CARD6: variants seen among roughly 807,000 people sequenced by gnomAD.
CARD6 encodes caspase recruitment domain family member 6.
A neutral mutation model predicts 23.6 loss-of-function variants in CARD6; 27 were observed. The ratio of observed to expected loss-of-function variants is 1.14; its 90% CI spans 0.84 to 1.58. The LOEUF is 1.58. CARD6 is among the 40% of genes most tolerant of loss of function. CARD6 has a pLI of 0.00. For synonymous variants in CARD6, 397 were observed against 431.8 expected, an observed-to-expected ratio of 0.92 and a Z score of 1.00; for missense variants, 1,214 against 1,209.9, an observed-to-expected ratio of 1.00 and a Z score of -0.05.
Position 40,853,840 on chromosome 5 carries a change from GGGAACTCTTGAAA to G in CARD6, c.2511_2523del (p.Thr838LeufsTer4). 3.7e-6 allele frequency: 6 copies of G among 1,614,168 alleles called. No individual in the cohort carries two copies. Among genetic ancestry groups the G allele is most frequent in the Non-Finnish European group, 5.1e-6 (6 of 1,180,034 alleles). ...CCTGCCCTGAGAGACCACAAATGAT[GGGAACTCTTGAAA>G]GGTCTAGGGCAGTAGCCTCCAAGAT... On this transcript the variant is annotated frameshift_variant, in exon 3 of 3. Coordinates refer to ENST00000254691, the MANE Select transcript of CARD6 (RefSeq NM_032587.4). LOFTEE classifies it low-confidence loss of function (END_TRUNC).
At chr5:40,843,096 T>C (rs750992961) in intron 1 of CARD6, 56 bp from the exon 2 acceptor site, 11 of 1,138,900 alleles carry the variant, frequency 9.7e-6, no homozygotes, top group Admixed American at 2.3e-5. Flanking sequence ...TCAGGAACTC[T>C]AGCTGTTATA....
rs895366183 is a variant in CARD6 at position 40,855,335 on chromosome 5, A to T, written c.*889A>T. The T allele has an allele frequency of 6.6e-6, 1 of 152,366 alleles. No homozygotes were observed. The highest frequency in any genetic ancestry group is 6.5e-5 in the Admixed American group (1 of 15,280). 9.4% of individuals were successfully genotyped at this position (152,366 alleles called of 1,614,324 possible). A position where few individuals can be genotyped will look rare whatever the true frequency, so the allele number is the denominator to read the frequency against. ...GAAATAATGAATTAACAACCAATAAAATTAATCATTTGGCATTAACTTTGT... is the reference window on the plus strand; with the variant it reads ...GAAATAATGAATTAACAACCAATAATATTAATCATTTGGCATTAACTTTGT... On this transcript the variant is annotated 3_prime_UTR_variant, in exon 3 of 3. Transcript: ENST00000254691.
chr5:40,848,670 A>G (rs746749463), intron 2 of CARD6, among the ~76,000 whole-genome samples: 9 of 152,130 alleles, frequency 5.9e-5, no homozygotes, highest in Non-Finnish European at 1.2e-4. Flanking sequence ...CTAGATTGTT[A>G]TATTTCTCCC....
Position 40,854,355 on chromosome 5 carries a change from G to A in CARD6, c.3023G>A (p.Arg1008Lys), listed in dbSNP as rs765505830. The A allele has an allele frequency of 6.2e-7, 1 of 1,614,064 alleles. No homozygotes were observed. Among genetic ancestry groups the A allele is most frequent in the Non-Finnish European group, 8.5e-7 (1 of 1,179,998 alleles). Residue 1008 changes from arginine to lysine, a missense_variant, in exon 3 of 3, where the codon AGA becomes AAA. Arg to Lys is a conservative substitution (Grantham distance 26). Transcript: ENST00000254691. Reference protein sequence around the residue: ...WPPQSKPSQPRPPQPKSSSTN... With the variant: ...WPPQSKPSQPKPPQPKSSSTN... Reference sequence around the variant, plus strand: ...CCCCAGTCTAAGCCTTCTCAGCCCAGACCCCCTCAACCTAAGTCATCCTCA... The same window carrying A: ...CCCCAGTCTAAGCCTTCTCAGCCCAAACCCCCTCAACCTAAGTCATCCTCA...
chr5:40,846,369 AG>A (rs144125890), intron 2 of CARD6, among the ~76,000 whole-genome samples: 1 of 151,774 alleles, frequency 6.6e-6, no homozygotes, highest in Non-Finnish European at 1.5e-5. Context: ...AGCAAGGTGG[AG>A]GGGGGGAGAC....
At position 40,852,780 on chromosome 5, in the gene CARD6, A is replaced by C; in HGVS notation, c.1448A>C (p.His483Pro). The change falls in exon 3 of 3, where the codon CAC (histidine) becomes CCC (proline). Residue 483 changes from histidine (H) to proline (P), a missense_variant. Transcript: ENST00000254691. ...CTCAGCCCTGCCCAGTTGAAATTAC[A>C]CAAAATCTTTCTTCATCAAGATTTG... The part of the protein sequence containing the change: ...TLLSPAQLKL[H>P]KIFLHQDLPL... 6.2e-7 allele frequency: 1 copy of C among 1,614,182 alleles called. No individual in the cohort carries two copies. The highest frequency in any genetic ancestry group is 2.2e-5 in the East Asian group (1 of 44,888).
At chr5:40,850,269 C>T (rs1042316387) in intron 2 of CARD6, among the ~76,000 whole-genome samples, 3 of 151,262 alleles carry the variant, frequency 2.0e-5, no homozygotes, top group Non-Finnish European at 4.4e-5. Flanking sequence ...AAAAAATTAG[C>T]CAGGTGTGGT....
At position 40,842,712 on chromosome 5, in the gene CARD6, A is replaced by G. The variant is rs538903188; in HGVS notation, c.284-440A>G. 2.0e-5 allele frequency among the ~76,000 whole-genome samples: 3 copies of G among 152,304 alleles called. No homozygotes were observed. The South Asian group carries it at 6.2e-4, about 32-fold the overall frequency. Reference sequence around the variant, plus strand: ...GTTGACATGTTGACATGCAAGTTATATAGGAGGTGTTAGGTATTCCTGTCC... The same window carrying G: ...GTTGACATGTTGACATGCAAGTTATGTAGGAGGTGTTAGGTATTCCTGTCC... On this transcript the variant is annotated intron_variant, in intron 1 of 2. Coordinates refer to ENST00000254691, the MANE Select transcript of CARD6 (RefSeq NM_032587.4).
intron 1 of CARD6, 139 bp downstream of exon 1, chr5:40,841,804 A>G: frequency 1.4e-6 from 1 of 728,136 alleles, no homozygotes; most frequent in Non-Finnish European, 2.2e-6. Context: ...AATATGAAAT[A>G]GGGAAAAACT....
chr5:40,851,527 A>G (rs1258343911), intron 2 of CARD6, among the ~76,000 whole-genome samples: 2 of 151,716 alleles, frequency 1.3e-5, no homozygotes, highest in Non-Finnish European at 2.9e-5. Flanking sequence ...TTTTGCAGTG[A>G]AAATGTAGAT....
At position 40,855,270 on chromosome 5, in the gene CARD6, G is replaced by T. The variant is rs1162639471; in HGVS notation, c.*824G>T. On this transcript the variant is annotated 3_prime_UTR_variant, in exon 3 of 3. Transcript: ENST00000254691. ...TAGCTTCTGCTAATAGCCCCAATTT[G>T]CTTGAATGGGAAAACTCTCTCATTT... is the stretch of plus-strand genomic sequence containing the variant. 2.6e-5 allele frequency: 4 copies of T among 152,326 alleles called. No individual in the cohort carries two copies. The highest frequency in any genetic ancestry group is 7.2e-5 in the African/African-American group (3 of 41,458). The allele number at this position is 152,326 out of a possible 1,614,324, so 9.4% of individuals were successfully genotyped here. A position where few individuals can be genotyped will look rare whatever the true frequency, so the allele number is the denominator to read the frequency against.
chr5:40,854,307 C>T lies in CARD6; in HGVS notation c.2975C>T (p.Pro992Leu), dbSNP rs35479873. The change falls in exon 3 of 3, where the codon CCT becomes CTT. Residue 992 changes from proline (P) to leucine (L), a missense_variant. By Grantham distance (98) the Pro-to-Leu change is moderately conservative. Coordinates refer to ENST00000254691, the MANE Select transcript of CARD6 (RefSeq NM_032587.4). ...CCTTCTCCATGCAAATCTACTCAGCCTAAGCCAAGCCAGCCCTGGCCTCCC... is the reference window on the plus strand; with the variant it reads ...CCTTCTCCATGCAAATCTACTCAGCTTAAGCCAAGCCAGCCCTGGCCTCCC... ...TKPSPCKSTQ[P>L]KPSQPWPPQS... The T allele has an allele frequency of 1.2e-6, 2 of 1,614,150 alleles. No homozygotes were observed. Among genetic ancestry groups the T allele is most frequent in the Non-Finnish European group, 1.7e-6 (2 of 1,180,014 alleles).
At position 40,852,742 on chromosome 5, in the gene CARD6, C is replaced by T. The variant is rs1746092497; in HGVS notation, c.1410C>T (p.Ile470=). The change falls in exon 3 of 3, where the codon ATC becomes ATT. Residue 470 remains isoleucine (I), a synonymous_variant. Transcript: ENST00000254691. ...LGYCSFSKSR[I]LNTLLSPAQL... is the part of the protein sequence containing the mutation. ...ACTGTAGCTTCTCTAAGTCCAGAAT[C>T]CTCAACACACTTCTCAGCCCTGCCC... 4.3e-6 allele frequency: 7 copies of T among 1,613,868 alleles called. No individual in the cohort carries two copies. The highest frequency in any genetic ancestry group is 5.9e-6 in the Non-Finnish European group (7 of 1,179,898).
chr5:40,852,405 TGCTG>T lies in CARD6; in HGVS notation c.1079_1082del (p.Ala360GlufsTer59). 1 of 1,614,182 alleles carries T rather than the reference TGCTG, an allele frequency of 6.2e-7. No homozygotes were observed. The highest frequency in any genetic ancestry group is 1.3e-5 in the African/African-American group (1 of 75,048). ...CTGGATGAAGATAGCAAGGAGGATT[TGCTG>T]GCTGGAGTGGAGAATTTGGAAATTC... is the stretch of plus-strand genomic sequence containing the variant. On this transcript the variant is annotated frameshift_variant, in exon 3 of 3. Coordinates refer to ENST00000254691, the MANE Select transcript of CARD6 (RefSeq NM_032587.4). LOFTEE classifies it low-confidence loss of function (END_TRUNC).
rs3812030 is a variant in CARD6 at position 40,852,516 on chromosome 5, T to A, written c.1184T>A (p.Met395Lys). Residue 395 changes from methionine to lysine, a missense_variant, in exon 3 of 3, where the codon ATG becomes AAG. Physicochemically the swap from Met to Lys is moderately conservative, Grantham distance 95. Transcript: ENST00000254691. ...CSDSSLQRQV[M>K]SNMYQCQFAL... ...GATAGCTCTTTGCAACGCCAAGTCA[T>A]GTCAAACATGTATCAGTGCCAGTTT... The A allele has an allele frequency of 9.3e-6, 15 of 1,614,230 alleles. No homozygotes were observed. The East Asian group carries it at 3.3e-4, about 36-fold the overall frequency.
Position 40,853,469 on chromosome 5 carries a change from C to G in CARD6, c.2137C>G (p.Gln713Glu). 1.2e-6 allele frequency: 2 copies of G among 1,614,184 alleles called. No homozygotes were observed. The highest frequency in any genetic ancestry group is 1.7e-6 in the Non-Finnish European group (2 of 1,180,036). Residue 713 changes from glutamine to glutamate, a missense_variant, in exon 3 of 3, where the codon CAG becomes GAG. Gln to Glu is a conservative substitution (Grantham distance 29). Coordinates refer to ENST00000254691, the MANE Select transcript of CARD6 (RefSeq NM_032587.4). The stretch of plus-strand genomic sequence containing the variant: ...GCCTGGGACTCAATGTGAGCTCAGC[C>G]AGAATCTTCAGAATCTCTATGGTAC... Reference protein sequence around the residue: ...QEPGTQCELSQNLQNLYGTPV... With the variant: ...QEPGTQCELSENLQNLYGTPV...
intron 2 of CARD6, among the ~76,000 whole-genome samples, chr5:40,851,488 A>G (rs1200706002): frequency 1.3e-5 from 2 of 152,108 alleles, no homozygotes; most frequent in African/African-American, 4.8e-5. Flanking sequence ...GTGAAAGGAG[A>G]CTTCCACTTT....
At position 40,854,435 on chromosome 5, in the gene CARD6, G is replaced by T; in HGVS notation, c.3103G>T (p.Gly1035Trp). ...HHSKAGQKRG[G>W]KH is the part of the protein sequence containing the mutation. ...CTCAAAAGCAGGGCAGAAGAGGGGAGGGAAGCATTAAAGAGCTAACTCCAG... is the reference window on the plus strand; with the variant it reads ...CTCAAAAGCAGGGCAGAAGAGGGGATGGAAGCATTAAAGAGCTAACTCCAG... The change falls in exon 3 of 3, where the codon GGG (glycine) becomes TGG (tryptophan). Residue 1035 changes from glycine (G) to tryptophan (W), a missense_variant. By Grantham distance (184) the Gly-to-Trp change is radical. Transcript: ENST00000254691. The T allele has an allele frequency of 6.2e-7, 1 of 1,612,908 alleles. No individual in the cohort carries two copies. Among genetic ancestry groups the T allele is most frequent in the South Asian group, 1.1e-5 (1 of 91,028 alleles).
chr5:40,852,148 A>C, intron 2 of CARD6, 26 bp from the exon 3 acceptor site: 1 of 1,429,022 alleles, frequency 7.0e-7, no homozygotes, highest in Non-Finnish European at 9.7e-7. Flanking sequence ...TGAACATGGC[A>C]TTCACTATTA....
Sources: gnomAD v4.1 joint callset for allele counts (sites outside exome capture counted in the v4.1 genomes callset) on GRCh38, gnomAD v4.1.1 for gene constraint, MANE v1.5 for transcripts, NCBI Gene and HGNC (gene_info 2026-07-23, HGNC 2026-07-21) for gene names.